Variants in CNST observed in about 807,000 individuals in gnomAD.
CNST encodes consortin.
In CNST, 39 loss-of-function variants were observed where a neutral mutation model predicts 72.4. The ratio of observed to expected loss-of-function variants is 0.54; its 90% CI spans 0.42 to 0.70. The LOEUF (loss-of-function observed/expected upper bound fraction) is 0.70, where lower values mean the gene tolerates loss of function less well. Ranked by LOEUF, CNST falls within the 30% of genes least tolerant of loss-of-function variation. CNST has a pLI of 0.00. For missense variants in CNST, 871 were observed against 868.5 expected, an observed-to-expected ratio of 1.00 and a Z score of -0.04; for synonymous variants, 332 against 320.1, an observed-to-expected ratio of 1.04 and a Z score of -0.40.
intron 1 of CNST, among the ~76,000 whole-genome samples, chr1:246,589,507 T>C (rs555993530): frequency 0.013 from 1,919 of 152,128 alleles, 16 homozygotes; most frequent in Middle Eastern, 0.027. Flanking sequence ...CTTAATCCAG[T>C]CTATCATTGT....
Position 246,591,517 on chromosome 1 carries a change from GA to G in CNST, c.-44del. The G allele has an allele frequency of 6.2e-7, 1 of 1,603,476 alleles. No homozygotes were observed. Among genetic ancestry groups the G allele is most frequent in the Non-Finnish European group, 8.5e-7 (1 of 1,172,882 alleles). ...TTTTCTTTTTGTCATTGTAGACATGGAAGGTCTTTAATGTAACTTTAAATGG... is the reference window on the plus strand; with the variant it reads ...TTTTCTTTTTGTCATTGTAGACATGGAGGTCTTTAATGTAACTTTAAATGG... On this transcript the variant is annotated 5_prime_UTR_variant, in exon 2 of 11. The change abolishes the stop of an existing upstream ORF in the 5' untranslated region. Coordinates refer to ENST00000366513, the MANE Select transcript of CNST (RefSeq NM_152609.3).
chr1:246,639,981 T>C (rs1665576142), intron 6 of CNST, among the ~76,000 whole-genome samples: 1 of 152,234 alleles, frequency 6.6e-6, no homozygotes, highest in African/African-American at 2.4e-5. Flanking sequence ...CTCTTCCTGC[T>C]TCTGCTATCT....
chr1:246,643,533 CAT>C (rs1665856920), intron 8 of CNST, among the ~76,000 whole-genome samples: 1 of 152,196 alleles, frequency 6.6e-6, no homozygotes, highest in South Asian at 2.1e-4. Context: ...TGCTTTGAGT[CAT>C]GTGGTACAGA....
intron 2 of CNST, among the ~76,000 whole-genome samples, chr1:246,605,637 T>C (rs1214111305): frequency 6.6e-6 from 1 of 150,986 alleles, no homozygotes; most frequent in Non-Finnish European, 1.5e-5. Flanking sequence ...TCTCTGTCTA[T>C]CCTCGGTGGT....
intron 2 of CNST, among the ~76,000 whole-genome samples, chr1:246,605,495 C>T (rs1244074056): frequency 7.9e-5 from 12 of 152,338 alleles, no homozygotes; most frequent in South Asian, 4.1e-4. Context: ...TTTTAATGCG[C>T]GCCTGGGTGC....
At chr1:246,581,044 G>T (rs1660753112) in intron 1 of CNST, among the ~76,000 whole-genome samples, 1 of 151,340 alleles carries the variant, frequency 6.6e-6, no homozygotes, top group African/African-American at 2.4e-5. Context: ...CAGCCTGAAG[G>T]TTTCTTTATA....
chr1:246,568,834 G>A (rs1026598947), intron 1 of CNST, among the ~76,000 whole-genome samples: 1 of 152,206 alleles, frequency 6.6e-6, no homozygotes, highest in Non-Finnish European at 1.5e-5. Context: ...CTCTCAAAGT[G>A]CTGGGATTAC....
intron 1 of CNST, among the ~76,000 whole-genome samples, chr1:246,573,521 T>G (rs968448361): frequency 2.0e-5 from 3 of 152,372 alleles, no homozygotes; most frequent in East Asian, 1.9e-4. Flanking sequence ...GGTTATAGTT[T>G]CGTGCATTCT....
chr1:246,580,626 G>A (rs1572120372), intron 1 of CNST, among the ~76,000 whole-genome samples: 1 of 152,208 alleles, frequency 6.6e-6, no homozygotes, highest in African/African-American at 2.4e-5. Flanking sequence ...ATGCAAAAAG[G>A]AGGTATCTCT....
At chr1:246,659,319 G>GC in intron 9 of CNST, among the ~76,000 whole-genome samples, 1 of 152,310 alleles carries the variant, frequency 6.6e-6, no homozygotes, top group South Asian at 2.1e-4. Context: ...CCCAGGCCGG[G>GC]TGCGGTGGCT....
chr1:246,581,482 C>G (rs376776036), intron 1 of CNST, among the ~76,000 whole-genome samples: 3 of 151,952 alleles, frequency 2.0e-5, no homozygotes, highest in African/African-American at 7.2e-5. Context: ...AGGCTGGTCC[C>G]GAACTCCTGA....
In CNST at chr1:246,618,098, T is replaced by C. The variant is rs142152729; in HGVS notation, c.380-3331T>C. On this transcript the variant is annotated intron_variant, in intron 2 of 10. Transcript: ENST00000366513. Reference sequence around the variant, plus strand: ...ACCCAGAAAGGAACTAGAAGATACTTGTATTAGGTGGGTAACCTTACCTTC... The same window carrying C: ...ACCCAGAAAGGAACTAGAAGATACTCGTATTAGGTGGGTAACCTTACCTTC... Among the ~76,000 whole-genome samples the C allele has an allele frequency of 3.3e-5, 5 of 152,322 alleles. No individual in the cohort carries two copies. The East Asian group carries it at 9.6e-4, about 29-fold the overall frequency.
At chr1:246,606,626 T>G (rs28654791) in intron 2 of CNST, 2 of 151,174 alleles carry the variant, frequency 1.3e-5, no homozygotes, top group African/African-American at 4.8e-5. Context: ...AGGATATATG[T>G]GGGAGTGCGA....
chr1:246,659,104 G>C (rs568716536), intron 9 of CNST, among the ~76,000 whole-genome samples: 1 of 152,314 alleles, frequency 6.6e-6, no homozygotes, highest in South Asian at 2.1e-4. Context: ...CTTTTTCTAG[G>C]AAAGGCCAAA....
Position 246,660,204 on chromosome 1 carries a change from T to G in CNST, c.1842T>G (p.Val614=), listed in dbSNP as rs1357718958. The G allele has an allele frequency of 4.4e-6, 7 of 1,607,336 alleles. No homozygotes were observed. Among genetic ancestry groups the G allele is most frequent in the Non-Finnish European group, 5.9e-6 (7 of 1,177,718 alleles). Reference sequence around the variant, plus strand: ...GTTCTTATAATTTCTGACAGGTTGTTCCTACTGAAGGATTGGTCTCCATAT... The same window carrying G: ...GTTCTTATAATTTCTGACAGGTTGTGCCTACTGAAGGATTGGTCTCCATAT... ...LAKRIEIAEV[V]PTEGLVSILK... The change falls in exon 10 of 11, where the codon GTT becomes GTG. Residue 614 remains valine, a synonymous_variant. Coordinates refer to ENST00000366513, the MANE Select transcript of CNST (RefSeq NM_152609.3).
chr1:246,647,366 T>G lies in CNST; in HGVS notation c.1165T>G (p.Ser389Ala), dbSNP rs771011299. ...AGCAGGGAGCCCGTCTGGGCCAGAC[T>G]CTTCTGAGGATGCTTGTGAGGATGA... ...ETAGSPSGPD[S>A]SEDACEDDSR... The change falls in exon 9 of 11, where the codon TCT becomes GCT. Residue 389 changes from serine to alanine, a missense_variant. By Grantham distance (99) the Ser-to-Ala change is moderately conservative (BLOSUM62 1). Transcript: ENST00000366513. 66 of 1,613,700 alleles carry G rather than the reference T, an allele frequency of 4.1e-5. No homozygotes were observed. The East Asian group carries it at 1.4e-3, about 34-fold the overall frequency.
intron 2 of CNST, among the ~76,000 whole-genome samples, chr1:246,605,700 GC>G (rs1209700938): frequency 6.9e-6 from 1 of 144,692 alleles, no homozygotes. Context: ...GTGTCTTCCG[GC>G]CGGGGTAGGT....
At chr1:246,615,365 C>T (rs751035949) in intron 2 of CNST, among the ~76,000 whole-genome samples, 12 of 151,730 alleles carry the variant, frequency 7.9e-5, no homozygotes, top group African/African-American at 1.5e-4. Context: ...TTAGTAGAGT[C>T]GGGGTTTCAC....
intron 2 of CNST, chr1:246,607,711 C>T (rs1223676998): frequency 6.6e-6 from 1 of 152,270 alleles, no homozygotes. Context: ...CCTGCTTCGG[C>T]TACCTTGGTG....
Sources: allele counts gnomAD v4.1 joint callset (sites outside exome capture counted in the v4.1 genomes callset), GRCh38; gene constraint gnomAD v4.1.1; transcripts MANE v1.5; gene names NCBI Gene and HGNC (gene_info 2026-07-23, HGNC 2026-07-21).